STK3: variants seen among roughly 807,000 people sequenced by gnomAD.
STK3 encodes the protein serine/threonine kinase 3.
Under a neutral mutation model 58.0 loss-of-function variants are expected in STK3, and 41 were observed. The ratio of observed to expected loss-of-function variants is 0.71; its 90% CI spans 0.55 to 0.92. STK3 has a LOEUF of 0.92. Ranked by LOEUF, STK3 falls within the 40% of genes least tolerant of loss-of-function variation. The pLI is 0.00. For missense variants in STK3, 479 were observed against 602.7 expected (o/e 0.79, Z 2.15); for synonymous variants, 170 against 191.0 (o/e 0.89, Z 0.91).
intron 9 of STK3, among the ~76,000 whole-genome samples, chr8:98,528,524 T>C (rs1235710517): frequency 6.6e-6 from 1 of 152,058 alleles, no homozygotes; most frequent in East Asian, 1.9e-4. Flanking sequence ...TTCGCTCTTG[T>C]TGTGCAGGCT....
At chr8:98,744,999 G>T (rs1829545483) in intron 4 of STK3, among the ~76,000 whole-genome samples, 1 of 151,930 alleles carries the variant, frequency 6.6e-6, no homozygotes, top group Non-Finnish European at 1.5e-5. Flanking sequence ...CCTATTGCAA[G>T]ATAAGAGTGA....
chr8:98,595,483 C>T (rs1212353904), intron 7 of STK3: 3 of 152,064 alleles, frequency 2.0e-5, no homozygotes, highest in South Asian at 2.1e-4. Flanking sequence ...TAAGACTATT[C>T]TGTTGGGGAA....
chr8:98,765,072 G>C (rs35915594), intron 3 of STK3, among the ~76,000 whole-genome samples: 42,368 of 152,166 alleles, frequency 0.28, 6,787 homozygotes, highest in East Asian at 0.45. Context: ...GAAGAGATAT[G>C]TAATAGTAAT....
chr8:98,842,870 G>A (rs551905102), intron 3 of STK3, among the ~76,000 whole-genome samples: 1 of 152,054 alleles, frequency 6.6e-6, no homozygotes, highest in Admixed American at 6.5e-5. Flanking sequence ...AGCTAGGCAT[G>A]GTCCTTAGCT....
At chr8:98,742,090 T>C (rs528097336) in intron 4 of STK3, among the ~76,000 whole-genome samples, 5 of 151,936 alleles carry the variant, frequency 3.3e-5, no homozygotes, top group African/African-American at 1.2e-4. Flanking sequence ...CAATAATCAA[T>C]AGCTTACCAA....
intron 8 of STK3, among the ~76,000 whole-genome samples, chr8:98,548,859 A>G (rs1810935343): frequency 6.6e-6 from 1 of 152,176 alleles, no homozygotes; most frequent in South Asian, 2.1e-4. Context: ...TATTCTAGAT[A>G]CCTCATGTAA....
chr8:98,867,169 C>G (rs1837175239), intron 3 of STK3, among the ~76,000 whole-genome samples: 1 of 152,158 alleles, frequency 6.6e-6, no homozygotes, highest in South Asian at 2.1e-4. Flanking sequence ...ATAATCCTAG[C>G]ACGTTGGGAG....
rs766148372 is a variant in STK3, at chr8:98,579,649, A to T, written c.948+15T>A. 1.3e-6 allele frequency: 2 copies of T among 1,598,826 alleles called. No individual in the cohort carries two copies. Among genetic ancestry groups the T allele is most frequent in the Non-Finnish European group, 1.7e-6 (2 of 1,176,838 alleles). On this transcript the variant is annotated intron_variant, in intron 8 of 10. Transcript: ENST00000419617. Reference sequence around the variant, plus strand: ...TCAGAAGAAAAAAATCAACTTTTTGAAGATAATTACAAACCGAATTTTCTT... The same window carrying T: ...TCAGAAGAAAAAAATCAACTTTTTGTAGATAATTACAAACCGAATTTTCTT...
At chr8:98,853,253 C>T (rs1307902885) in intron 3 of STK3, among the ~76,000 whole-genome samples, 1 of 151,968 alleles carries the variant, frequency 6.6e-6, no homozygotes, top group East Asian at 1.9e-4. Context: ...TATTTCATTA[C>T]CTAATATTGT....
intron 3 of STK3, among the ~76,000 whole-genome samples, chr8:98,847,498 C>T (rs188655063): frequency 1.6e-4 from 24 of 152,206 alleles, no homozygotes; most frequent in Admixed American, 1.2e-3. Flanking sequence ...TGTGCCCATA[C>T]GCCTCGCTCT....
chr8:98,917,449 T>G (rs1209598498), intron 1 of STK3, among the ~76,000 whole-genome samples: 2 of 152,184 alleles, frequency 1.3e-5, no homozygotes, highest in Non-Finnish European at 2.9e-5. Flanking sequence ...AATTCATATC[T>G]TTAAATCCTA....
intron 1 of STK3, among the ~76,000 whole-genome samples, chr8:98,941,545 C>T (rs1281181659): frequency 1.3e-5 from 2 of 152,250 alleles, no homozygotes; most frequent in African/African-American, 2.4e-5. Context: ...TTAAAAGTTT[C>T]GAGGATCCGA....
chr8:98,925,564 T>C (rs1839756940), intron 1 of STK3, among the ~76,000 whole-genome samples: 1 of 152,232 alleles, frequency 6.6e-6, no homozygotes, highest in South Asian at 2.1e-4. Context: ...GGCAGCTCCA[T>C]AGCCTTCAAT....
intron 1 of STK3, among the ~76,000 whole-genome samples, chr8:98,939,977 G>A (rs746589515): frequency 5.9e-5 from 9 of 152,236 alleles, no homozygotes; most frequent in Admixed American, 1.3e-4. Context: ...GGTTCGAAAA[G>A]CACCATGAAT....
chr8:98,635,072 CAAG>C (rs1333594065), intron 6 of STK3, among the ~76,000 whole-genome samples: 1 of 151,634 alleles, frequency 6.6e-6, no homozygotes, highest in African/African-American at 2.4e-5. Context: ...GAAAAAAAAA[CAAG>C]AAGAAAGAGG....
At chr8:98,419,959 G>A (rs1361806493) in intron 3 of STK3, among the ~76,000 whole-genome samples, 1 of 152,146 alleles carries the variant, frequency 6.6e-6, no homozygotes. Context: ...CAGAGATCTA[G>A]ATGGAAGGAT....
intron 3 of STK3, among the ~76,000 whole-genome samples, chr8:98,832,278 C>CTATA (rs145802124): frequency 2.0e-5 from 3 of 148,390 alleles, no homozygotes; most frequent in Admixed American, 6.7e-5. Context: ...ATATAGATAT[C>CTATA]TATATATATA....
chr8:98,795,905 C>G (rs1425405309), intron 1 of STK3, among the ~76,000 whole-genome samples: 1 of 151,968 alleles, frequency 6.6e-6, no homozygotes, highest in East Asian at 1.9e-4. Context: ...AGGATCTCTA[C>G]AAGGAGAACT....
chr8:98,448,903 A>C (rs1184784554), intron 1 of STK3, among the ~76,000 whole-genome samples: 1 of 152,180 alleles, frequency 6.6e-6, no homozygotes, highest in Non-Finnish European at 1.5e-5. Flanking sequence ...ACATTAAGTA[A>C]CTTATGAATT....
Sources: gnomAD v4.1 joint callset for allele counts (sites outside exome capture counted in the v4.1 genomes callset) on GRCh38, gnomAD v4.1.1 for gene constraint, MANE v1.5 for transcripts, NCBI Gene and HGNC (gene_info 2026-07-23, HGNC 2026-07-21) for gene names.